Variants in GALNT15 observed in about 807,000 individuals in gnomAD.
GALNT15 encodes the protein UDP-GalNAc transferase T15.
GALNT15 carries 67 observed loss-of-function variants against 66.8 expected under a neutral mutation model. The ratio of observed to expected loss-of-function variants is 1.00; its 90% CI spans 0.82 to 1.23. GALNT15 has a LOEUF of 1.23. Among genes scored for constraint, GALNT15 ranks in the 50% most tolerant of loss-of-function variants. The pLI, the probability that GALNT15 is intolerant of heterozygous loss-of-function variation, is 0.00. For synonymous variants in GALNT15, 313 were observed against 311.5 expected (o/e 1.00, Z -0.05); for missense variants, 827 against 804.3 (o/e 1.03, Z -0.34).
chr3:16,232,512 T>TATATATATATATATATATATATATATA (rs56354612), downstream of GALNT15, among the ~76,000 whole-genome samples: 1 of 40,210 alleles, frequency 2.5e-5, no homozygotes, highest in Non-Finnish European at 4.7e-5. Context: ...ATATATATAT[T>TATATATATATATATATATATATATATA]TATTTAAAAG....
chr3:16,196,339 G>A (rs756261662), intron 2 of GALNT15, among the ~76,000 whole-genome samples: 6 of 152,160 alleles, frequency 3.9e-5, no homozygotes, highest in Admixed American at 1.3e-4. Context: ...ACGCACATAT[G>A]TGTATCGGTC....
chr3:16,207,003 C>T (rs1166959291), intron 3 of GALNT15, among the ~76,000 whole-genome samples: 1 of 152,156 alleles, frequency 6.6e-6, no homozygotes, highest in African/African-American at 2.4e-5. Context: ...ACAGGGTACC[C>T]CAAAATAGGG....
chr3:16,190,867 G>A (rs747695317), intron 1 of GALNT15, among the ~76,000 whole-genome samples: 12 of 152,110 alleles, frequency 7.9e-5, no homozygotes, highest in Middle Eastern at 3.2e-3. Flanking sequence ...TTTCAGCTCT[G>A]GTCTCCAGGC....
In GALNT15 at chr3:16,186,391, C is replaced by T. The variant is rs374704345; in HGVS notation, c.540-9369C>T. Among the ~76,000 whole-genome samples, 21 of 152,318 alleles carry T rather than the reference C, an allele frequency of 1.4e-4. No individual in the cohort carries two copies. In the South Asian group the frequency reaches 3.7e-3, roughly 27 times the overall value. ...GGAAAACAGTTTGGCAGTTCCCCAA[C>T]ATGTTAAACATGGAGCTATCATATG... On this transcript the variant is annotated intron_variant, in intron 1 of 9. Coordinates refer to ENST00000339732, the MANE Select transcript of GALNT15 (RefSeq NM_054110.5). The surrounding 1 kb of genome is among the most constrained non-coding windows in gnomAD (Gnocchi z 5.1).
chr3:16,206,378 T>TAA (rs139313760), intron 3 of GALNT15, among the ~76,000 whole-genome samples: 2 of 133,372 alleles, frequency 1.5e-5, no homozygotes, highest in African/African-American at 5.6e-5. Flanking sequence ...TGAGACCATT[T>TAA]AAAAAAAAAA....
At position 16,229,406 on chromosome 3, in the gene GALNT15, G is replaced by A. The variant is rs141959638; in HGVS notation, c.*1906G>A. The A allele has an allele frequency of 2.3e-6, 2 of 861,004 alleles. No homozygotes were observed. Among genetic ancestry groups the A allele is most frequent in the African/African-American group, 1.8e-5 (1 of 54,548 alleles). The allele number at this position is 861,004 out of a possible 1,614,324, so 53.3% of individuals were successfully genotyped here. ...ATGCTCACTACCCACCTGTGGCTAG[G>A]GTCTACTTCTACTGTATTGGCGAGC... On this transcript the variant is annotated 3_prime_UTR_variant, in exon 10 of 10. Transcript: ENST00000339732.
Position 16,186,472 on chromosome 3 carries a change from GAA to G in GALNT15, c.540-9285_540-9284del, listed in dbSNP as rs1304360606. On this transcript the variant is annotated intron_variant, in intron 1 of 9. Coordinates refer to ENST00000339732, the MANE Select transcript of GALNT15 (RefSeq NM_054110.5). The surrounding 1 kb of genome is among the most constrained non-coding windows in gnomAD (Gnocchi z 5.1). ...AAGAAAATTAAAAACATGTTCACAT[GAA>G]AACTTATACATGAATATTCATAGTG... Among the ~76,000 whole-genome samples, 1 of 152,188 alleles carries G rather than the reference GAA, an allele frequency of 6.6e-6. No homozygotes were observed. Among genetic ancestry groups the G allele is most frequent in the African/African-American group, 2.4e-5 (1 of 41,428 alleles).
intron 9 of GALNT15, among the ~76,000 whole-genome samples, chr3:16,223,058 G>C (rs570365368): frequency 2.0e-5 from 3 of 152,258 alleles, no homozygotes; most frequent in Non-Finnish European, 2.9e-5. Flanking sequence ...TCACAAGTAG[G>C]ATGGTGAGGC....
rs368380500 is a variant in GALNT15 at position 16,187,623 on chromosome 3, A to G, written c.540-8137A>G. ...ATTCTATTGGTCTAAGGAAGGCACAAGGCCAGCCAGACTTAGGGGCTGAAG... is the reference window on the plus strand; with the variant it reads ...ATTCTATTGGTCTAAGGAAGGCACAGGGCCAGCCAGACTTAGGGGCTGAAG... On this transcript the variant is annotated intron_variant, in intron 1 of 9. Transcript: ENST00000339732. The surrounding 1 kb of genome is among the most constrained non-coding windows in gnomAD (Gnocchi z 5.1). Among the ~76,000 whole-genome samples, 3 of 152,338 alleles carry G rather than the reference A, an allele frequency of 2.0e-5. No homozygotes were observed. In the East Asian group the frequency reaches 5.8e-4, roughly 29 times the overall value.
In GALNT15 at chr3:16,219,786, G is replaced by A. The variant is rs1224433028; in HGVS notation, c.1525-124G>A. On this transcript the variant is annotated intron_variant, in intron 7 of 9. Coordinates refer to ENST00000339732, the MANE Select transcript of GALNT15 (RefSeq NM_054110.5). The surrounding 1 kb of genome is among the most constrained non-coding windows in gnomAD (Gnocchi z 4.3). The stretch of plus-strand genomic sequence containing the variant: ...TGGCTTCAGCTTTACCACACCTGTT[G>A]TTGTGGCCTGAACAATGTGCCTTGG... The A allele has an allele frequency of 1.1e-6, 1 of 911,384 alleles. No individual in the cohort carries two copies. Among genetic ancestry groups the A allele is most frequent in the Non-Finnish European group, 1.8e-6 (1 of 557,112 alleles). The allele number at this position is 911,384 out of a possible 1,614,324, so 56.5% of individuals were successfully genotyped here. A position where few individuals can be genotyped will look rare whatever the true frequency, so the allele number is the denominator to read the frequency against.
intron 9 of GALNT15, 72 bp downstream of exon 9, chr3:16,222,830 T>G: frequency 1.3e-6 from 2 of 1,543,452 alleles, no homozygotes; most frequent in Non-Finnish European, 8.9e-7. Flanking sequence ...CATTGGATCC[T>G]GGGCTCTTCC....
In GALNT15 at chr3:16,227,909, C is replaced by T; in HGVS notation, c.*409C>T. ...GCCTTAACTTGGATTGTCTGTTTGG[C>T]CAACCATGAAAATTAAAGAGTGAAG... On this transcript the variant is annotated 3_prime_UTR_variant, in exon 10 of 10. Transcript: ENST00000339732. This position sits in a 1 kb window ranked among gnomAD's most constrained non-coding sequence, Gnocchi z 4.5. 2 of 1,003,718 alleles carry T rather than the reference C, an allele frequency of 2.0e-6. No homozygotes were observed. The highest frequency in any genetic ancestry group is 2.4e-6 in the Non-Finnish European group (2 of 842,248). The allele number at this position is 1,003,718 out of a possible 1,614,324, so 62.2% of individuals were successfully genotyped here. A position where few individuals can be genotyped will look rare whatever the true frequency, so the allele number is the denominator to read the frequency against.
At position 16,209,905 on chromosome 3, in the gene GALNT15, C is replaced by T. The variant is rs1253814777; in HGVS notation, c.1080-1219C>T. Among the ~76,000 whole-genome samples, 2 of 152,230 alleles carry T rather than the reference C, an allele frequency of 1.3e-5. No individual in the cohort carries two copies. The highest frequency in any genetic ancestry group is 2.4e-5 in the African/African-American group (1 of 41,454). On this transcript the variant is annotated intron_variant, in intron 4 of 9. Transcript: ENST00000339732. This position sits in a 1 kb window ranked among gnomAD's most constrained non-coding sequence, Gnocchi z 4.1. ...GGGTGTCTGCATTGGCCTTATTTATCCCACTTACTGCTTACTGTGAAAATA... is the reference window on the plus strand; with the variant it reads ...GGGTGTCTGCATTGGCCTTATTTATTCCACTTACTGCTTACTGTGAAAATA...
intron 3 of GALNT15, among the ~76,000 whole-genome samples, chr3:16,207,852 A>G (rs886496649): frequency 6.6e-6 from 1 of 152,194 alleles, no homozygotes; most frequent in Non-Finnish European, 1.5e-5. Context: ...CAAGCACCCC[A>G]AAAGAAGTTA....
chr3:16,178,132 T>C (rs1003417796), intron 1 of GALNT15, among the ~76,000 whole-genome samples: 1 of 152,206 alleles, frequency 6.6e-6, no homozygotes, highest in Admixed American at 6.5e-5. Context: ...GCATGTATGT[T>C]ATACATGTGA....
intron 3 of GALNT15, among the ~76,000 whole-genome samples, chr3:16,201,616 C>G (rs1356370200): frequency 6.6e-6 from 1 of 152,102 alleles, no homozygotes; most frequent in African/African-American, 2.4e-5. Context: ...TCTTTGTTTC[C>G]CCAGTTTATA....
rs1338654434 is a variant in GALNT15, at chr3:16,191,365, A to T, written c.540-4395A>T. 1.0e-6 allele frequency: 1 copy of T among 981,588 alleles called. No individual in the cohort carries two copies. The highest frequency in any genetic ancestry group is 6.2e-5 in the Admixed American group (1 of 16,260). The allele number at this position is 981,588 out of a possible 1,614,324, so 60.8% of individuals were successfully genotyped here. A position where few individuals can be genotyped will look rare whatever the true frequency, so the allele number is the denominator to read the frequency against. On this transcript the variant is annotated intron_variant, in intron 1 of 9. Transcript: ENST00000339732. This position sits in a 1 kb window ranked among gnomAD's most constrained non-coding sequence, Gnocchi z 5.2. ...ATCTGTTAATAATGGCAGCAAACGC[A>T]TGGTGCTCACTCTGTGCCACCCACT...
Position 16,228,450 on chromosome 3 carries a change from G to A in GALNT15, c.*950G>A. 1 of 656,104 alleles carries A rather than the reference G, an allele frequency of 1.5e-6. No individual in the cohort carries two copies. Among genetic ancestry groups the A allele is most frequent in the Non-Finnish European group, 1.9e-6 (1 of 529,246 alleles). The allele number at this position is 656,104 out of a possible 1,614,324, so 40.6% of individuals were successfully genotyped here. A position where few individuals can be genotyped will look rare whatever the true frequency, so the allele number is the denominator to read the frequency against. ...GATGTCAGGGGTTTGAGACCAGCCT[G>A]GTCAACATTGCAAAACCTTGTCTCT... On this transcript the variant is annotated 3_prime_UTR_variant, in exon 10 of 10. Transcript: ENST00000339732.
chr3:16,195,641 C>T lies in GALNT15; in HGVS notation c.540-119C>T, dbSNP rs2063624046. ...TTTATATGGGAATTTTAAGAGATCCCATAGGACAGCCATATAATGGGGGCA... is the reference window on the plus strand; with the variant it reads ...TTTATATGGGAATTTTAAGAGATCCTATAGGACAGCCATATAATGGGGGCA... On this transcript the variant is annotated intron_variant, in intron 1 of 9. Transcript: ENST00000339732. This position sits in a 1 kb window ranked among gnomAD's most constrained non-coding sequence, Gnocchi z 4.6. 5 of 771,790 alleles carry T rather than the reference C, an allele frequency of 6.5e-6. No individual in the cohort carries two copies. The South Asian group carries it at 1.2e-4, about 19-fold the overall frequency. The allele number at this position is 771,790 out of a possible 1,614,324, so 47.8% of individuals were successfully genotyped here.
Sources: allele counts gnomAD v4.1 joint callset (sites outside exome capture counted in the v4.1 genomes callset), GRCh38; gene constraint gnomAD v4.1.1; non-coding constraint Gnocchi (gnomAD v3.1); transcripts MANE v1.5; gene names NCBI Gene and HGNC (gene_info 2026-07-23, HGNC 2026-07-21).